Variants in COG5 observed in about 807,000 individuals in gnomAD.
The protein encoded by COG5 is conserved oligomeric Golgi complex subunit 5.
A neutral mutation model predicts 110.4 loss-of-function variants in COG5; 86 were observed. That is an observed-to-expected ratio of 0.78 (90% CI 0.65 to 0.93). The LOEUF is 0.93. Ranked by LOEUF, COG5 falls within the 40% of genes least tolerant of loss-of-function variation. The pLI, the probability that COG5 is intolerant of heterozygous loss-of-function variation, is 0.00. For missense variants in COG5, 1,077 were observed against 987.0 expected (o/e 1.09, Z -1.22); for synonymous variants, 360 against 334.6 (o/e 1.08, Z -0.83).
chr7:107,468,420 G>GGTGTGTGTGTGT (rs35406143), intron 6 of COG5, among the ~76,000 whole-genome samples: 18 of 149,518 alleles, frequency 1.2e-4, no homozygotes, highest in Non-Finnish European at 1.9e-4. Context: ...TGTGTGCTGT[G>GGTGTGTGTGTGT]GTGTGTGTGT....
At chr7:107,255,412 A>G (rs1454086405) in intron 16 of COG5, among the ~76,000 whole-genome samples, 2 of 152,124 alleles carry the variant, frequency 1.3e-5, no homozygotes, top group Admixed American at 6.6e-5. Flanking sequence ...CCATTCATAT[A>G]TGAATTTAGT....
chr7:107,207,924 ATAT>A (rs1798893324), intron 21 of COG5: 1 of 985,398 alleles, frequency 1.0e-6, no homozygotes, highest in African/African-American at 1.7e-5. Context: ...ACAACCTAAC[ATAT>A]TATGCTGGGA....
chr7:107,548,347 G>C lies in COG5; in HGVS notation c.293-15C>G, dbSNP rs773879109. On this transcript the variant is annotated splice_polypyrimidine_tract_variant and intron_variant, in intron 3 of 21. Coordinates refer to ENST00000297135, the MANE Select transcript of COG5 (RefSeq NM_006348.5). ...CTGAAGAACACCTAGGAAAACATAA[G>C]TTTACATTGGCTTTACAAATTTACA... The C allele has an allele frequency of 6.2e-7, 1 of 1,612,892 alleles. No homozygotes were observed. The highest frequency in any genetic ancestry group is 2.2e-5 in the East Asian group (1 of 44,862).
chr7:107,299,849 A>ATATATATATATATG (rs1807088771), intron 11 of COG5, among the ~76,000 whole-genome samples: 1 of 122,722 alleles, frequency 8.1e-6, no homozygotes, highest in Non-Finnish European at 1.8e-5. Context: ...ATATATATAT[A>ATATATATATATATG]TATATATATC....
At chr7:107,321,726 A>G (rs1160032119) in intron 11 of COG5, among the ~76,000 whole-genome samples, 3 of 152,224 alleles carry the variant, frequency 2.0e-5, no homozygotes, top group African/African-American at 7.2e-5. Flanking sequence ...GAGATAACTC[A>G]TAACATACAC....
chr7:107,365,618 AAAAAG>A (rs1813542199), intron 8 of COG5, among the ~76,000 whole-genome samples: 2 of 150,458 alleles, frequency 1.3e-5, no homozygotes, highest in South Asian at 2.1e-4. Flanking sequence ...AAAAAAAAAA[AAAAAG>A]AAAAGCTGAA....
chr7:107,497,279 T>C (rs1462327938), intron 6 of COG5, among the ~76,000 whole-genome samples: 2 of 152,106 alleles, frequency 1.3e-5, no homozygotes, highest in Middle Eastern at 3.2e-3. Context: ...ACTTCTATAG[T>C]GTTGGAAATC....
At chr7:107,286,753 TTTC>T (rs1295820564) in intron 12 of COG5, among the ~76,000 whole-genome samples, 1 of 152,190 alleles carries the variant, frequency 6.6e-6, no homozygotes, top group African/African-American at 2.4e-5. Flanking sequence ...TCTCTGTGAC[TTTC>T]TTATTATTTC....
In COG5 at chr7:107,548,192, G is replaced by C. The variant is rs1802597638; in HGVS notation, c.348-12C>G. ...TTTTTGCTTTTATCCTACAGGAAAA[G>C]AGAGGAGTGAGAATAAAATCATTTT... On this transcript the variant is annotated splice_polypyrimidine_tract_variant and intron_variant, in intron 4 of 21. Coordinates refer to ENST00000297135, the MANE Select transcript of COG5 (RefSeq NM_006348.5). 1.2e-6 allele frequency: 2 copies of C among 1,611,136 alleles called. No individual in the cohort carries two copies. Among genetic ancestry groups the C allele is most frequent in the African/African-American group, 1.3e-5 (1 of 74,866 alleles).
chr7:107,271,189 G>C (rs1804240170), intron 14 of COG5, among the ~76,000 whole-genome samples: 1 of 152,090 alleles, frequency 6.6e-6, no homozygotes, highest in East Asian at 1.9e-4. Flanking sequence ...CCAGGCTGCA[G>C]TGAGCAAGGA....
At chr7:107,518,486 C>CA (rs959025945) in intron 6 of COG5, among the ~76,000 whole-genome samples, 6 of 150,886 alleles carry the variant, frequency 4.0e-5, no homozygotes, top group South Asian at 2.1e-4. Flanking sequence ...AAATGGGAAA[C>CA]AAAAAAAAGC....
intron 6 of COG5, among the ~76,000 whole-genome samples, chr7:107,508,600 C>T (rs1327460983): frequency 2.0e-5 from 3 of 152,210 alleles, no homozygotes; most frequent in African/African-American, 7.2e-5. Flanking sequence ...GGTCCGTGAC[C>T]CCCGAGCAGC....
At chr7:107,353,424 CAAAA>C (rs1169669994) in intron 10 of COG5, among the ~76,000 whole-genome samples, 1 of 84,094 alleles carries the variant, frequency 1.2e-5, no homozygotes. Context: ...GACTCCGTCT[CAAAA>C]AAAAAAAAAA....
chr7:107,537,801 A>G (rs1476636166), intron 5 of COG5, among the ~76,000 whole-genome samples: 1 of 152,172 alleles, frequency 6.6e-6, no homozygotes, highest in African/African-American at 2.4e-5. Context: ...TCTCCAAGGA[A>G]GATACATAAA....
At chr7:107,314,397 G>T (rs1237255845) in intron 11 of COG5, among the ~76,000 whole-genome samples, 1 of 151,992 alleles carries the variant, frequency 6.6e-6, no homozygotes, top group Non-Finnish European at 1.5e-5. Flanking sequence ...ATTATGATAT[G>T]TACACTTTTT....
At chr7:107,251,297 C>T (rs915816887) in intron 16 of COG5, among the ~76,000 whole-genome samples, 2 of 152,034 alleles carry the variant, frequency 1.3e-5, no homozygotes, top group African/African-American at 4.8e-5. Flanking sequence ...AAACATCCTT[C>T]AAAGATGAAA....
intron 6 of COG5, among the ~76,000 whole-genome samples, chr7:107,439,740 C>T (rs1454100790): frequency 3.9e-5 from 6 of 152,006 alleles, no homozygotes. Context: ...CAAATAAAGA[C>T]AATTTTGTAC....
Position 107,283,623 on chromosome 7 carries a change from G to C in COG5, c.1423C>G (p.Arg475Gly). Residue 475 changes from arginine (R) to glycine (G), a missense_variant, in exon 13 of 22, where the codon CGT becomes GGT. Coordinates refer to ENST00000297135, the MANE Select transcript of COG5 (RefSeq NM_006348.5). ...PINLVFPPGG[R>G]NPPSSDELDG... ...AGTTCATCAGAGGAAGGAGGATTACGACCACCCGGGGGAAAAACCAAGTTG... is the reference window on the plus strand; with the variant it reads ...AGTTCATCAGAGGAAGGAGGATTACCACCACCCGGGGGAAAAACCAAGTTG... 1.9e-6 allele frequency: 3 copies of C among 1,613,866 alleles called. No individual in the cohort carries two copies. The highest frequency in any genetic ancestry group is 2.5e-6 in the Non-Finnish European group (3 of 1,179,862).
intron 6 of COG5, among the ~76,000 whole-genome samples, chr7:107,447,423 C>G (rs1486633155): frequency 6.6e-6 from 1 of 152,148 alleles, no homozygotes; most frequent in Non-Finnish European, 1.5e-5. Context: ...GGCTATTATT[C>G]TTCAGAAATG....
Sources: gnomAD v4.1 joint callset for allele counts (sites outside exome capture counted in the v4.1 genomes callset) on GRCh38, gnomAD v4.1.1 for gene constraint, MANE v1.5 for transcripts, NCBI Gene and HGNC (gene_info 2026-07-23, HGNC 2026-07-21) for gene names.